Variants in SMURF1 observed in about 807,000 individuals in gnomAD.
The protein encoded by SMURF1 is E3 ubiquitin-protein ligase SMURF1.
SMURF1 carries 44 observed loss-of-function variants against 98.0 expected under a neutral mutation model. The observed-to-expected ratio is 0.45, with a 90% CI of 0.35 to 0.58. The LOEUF is 0.58. Among genes scored for constraint, SMURF1 ranks in the 20% least tolerant of loss-of-function variants. The pLI, the probability that SMURF1 is intolerant of heterozygous loss-of-function variation, is 0.00. For synonymous variants in SMURF1, 396 were observed against 374.9 expected, an observed-to-expected ratio of 1.06 and a Z score of -0.65; for missense variants, 687 against 938.4, an observed-to-expected ratio of 0.73 and a Z score of 3.50.
At chr7:99,129,729 T>C (rs1797829785) in intron 1 of SMURF1, among the ~76,000 whole-genome samples, 1 of 152,198 alleles carries the variant, frequency 6.6e-6, no homozygotes, top group Non-Finnish European at 1.5e-5. Context: ...TAAGAAATGA[T>C]GTCATTTGTG....
chr7:99,050,902 G>A (rs546550539), intron 8 of SMURF1: 6 of 1,308,892 alleles, frequency 4.6e-6, no homozygotes, highest in Non-Finnish European at 5.3e-6. Context: ...GGTGGGGGGG[G>A]GGTCTCTCTA....
At position 99,054,651 on chromosome 7, in the gene SMURF1, T is replaced by C. The variant is rs541370724; in HGVS notation, c.479+139A>G. 2.4e-5 allele frequency: 17 copies of C among 716,544 alleles called. No homozygotes were observed. In the South Asian group the frequency reaches 2.4e-4, roughly 10 times the overall value. 44.4% of individuals were successfully genotyped at this position (716,544 alleles called of 1,614,324 possible). The stretch of plus-strand genomic sequence containing the variant: ...CTTCCTTTATAGCCAAGTAAACTGG[T>C]TCACAGTTTTATCCCAACATCCTTT... On this transcript the variant is annotated intron_variant, in intron 6 of 17. Coordinates refer to ENST00000361368, the MANE Select transcript of SMURF1 (RefSeq NM_181349.3).
rs761627097 is a variant in SMURF1 at position 99,030,630 on chromosome 7, T to C, written c.2150A>G (p.Lys717Arg). The C allele has an allele frequency of 1.9e-6, 3 of 1,614,168 alleles. No homozygotes were observed. Among genetic ancestry groups the C allele is most frequent in the Non-Finnish European group, 2.5e-6 (3 of 1,180,028 alleles). The change falls in exon 18 of 18, where the codon AAG (lysine) becomes AGG (arginine). Residue 717 changes from lysine (K) to arginine (R), a missense_variant. Physicochemically the swap from Lys to Arg is conservative, Grantham distance 26. Coordinates refer to ENST00000361368, the MANE Select transcript of SMURF1 (RefSeq NM_181349.3). ...PYESYEKLYE[K>R]LLTAVEETCG... ...GGTCTCCTCCACGGCTGTCAGCAGC[T>C]TCTCGTAGAGCTTCTCATAGGACTC... is the stretch of plus-strand genomic sequence containing the variant.
In SMURF1 at chr7:99,040,511, C is replaced by T; in HGVS notation, c.1417G>A (p.Ala473Thr). The T allele has an allele frequency of 1.3e-6, 2 of 1,550,264 alleles. No individual in the cohort carries two copies. Among genetic ancestry groups the T allele is most frequent in the Non-Finnish European group, 1.7e-6 (2 of 1,148,502 alleles). Residue 473 changes from alanine to threonine, a missense_variant, in exon 13 of 18, where the codon GCT becomes ACT. Transcript: ENST00000361368. ...FHFVGRIMGL[A>T]VFHGHYINGG... ...TTGATGTAGTGTCCATGGAACACAG[C>T]CAGCCCCATGATCCGCCCCACAAAG...
chr7:99,051,460 A>T lies in SMURF1; in HGVS notation c.722-19T>A, dbSNP rs536414551. 9 of 1,597,844 alleles carry T rather than the reference A, an allele frequency of 5.6e-6. No homozygotes were observed. The South Asian group carries it at 6.6e-5, about 12-fold the overall frequency. ...CTTTGTTCTACACAAGAAATTAGAG[A>T]TCCAAATGAGACAAGTTCAATTCCA... On this transcript the variant is annotated intron_variant, in intron 7 of 17. Transcript: ENST00000361368.
intron 1 of SMURF1, among the ~76,000 whole-genome samples, chr7:99,073,377 C>CAAA (rs766203496): frequency 1.1e-5 from 1 of 88,800 alleles, no homozygotes; most frequent in Non-Finnish European, 2.2e-5. Context: ...GACTCCATCT[C>CAAA]AAAAAAAAAA....
At chr7:99,111,300 T>C (rs1295421085) in intron 1 of SMURF1, among the ~76,000 whole-genome samples, 1 of 152,228 alleles carries the variant, frequency 6.6e-6, no homozygotes, top group African/African-American at 2.4e-5. Context: ...AGATGGCATG[T>C]ATCCATCAAT....
At position 99,047,842 on chromosome 7, in the gene SMURF1, G is replaced by A. The variant is rs368926780; in HGVS notation, c.994C>T (p.Leu332=). ...TCCTCCAGAGAGCCCTCACTGGGCA[G>A]TGGCAGCGGCTGGCTGGGCTCCTTG... The part of the protein sequence containing the change: ...QLKEPSQPLP[L]PSEGSLEDEE... The change falls in exon 10 of 18, where the codon CTG becomes TTG. Residue 332 remains leucine, a synonymous_variant. Transcript: ENST00000361368. The A allele has an allele frequency of 1.5e-5, 25 of 1,614,086 alleles. No individual in the cohort carries two copies. In the African/African-American group the frequency reaches 3.1e-4, roughly 20 times the overall value.
At chr7:99,056,333 C>A (rs1795875224) in intron 5 of SMURF1, among the ~76,000 whole-genome samples, 1 of 152,030 alleles carries the variant, frequency 6.6e-6, no homozygotes, top group African/African-American at 2.4e-5. Context: ...ATCTGAGTTA[C>A]CCTAAAACAC....
intron 1 of SMURF1, among the ~76,000 whole-genome samples, chr7:99,074,283 G>A (rs1360025389): frequency 6.6e-6 from 1 of 152,152 alleles, no homozygotes; most frequent in Non-Finnish European, 1.5e-5. Flanking sequence ...ATATACATGT[G>A]TTCAGTTTGT....
At chr7:99,050,446 G>A (rs219827) in intron 8 of SMURF1, 91,411 of 154,850 alleles carry the variant, frequency 0.59, 29,852 homozygotes, top group African/African-American at 0.89. Flanking sequence ...AGGAACATGC[G>A]TTCAGAAACT....
intron 1 of SMURF1, among the ~76,000 whole-genome samples, chr7:99,071,637 G>A (rs1796325190): frequency 6.6e-6 from 1 of 152,164 alleles, no homozygotes; most frequent in African/African-American, 2.4e-5. Flanking sequence ...TCTTTCGTTT[G>A]GTTTTTTCTT....
intron 3 of SMURF1, among the ~76,000 whole-genome samples, chr7:99,058,082 C>T (rs917719186): frequency 6.6e-6 from 1 of 152,064 alleles, no homozygotes; most frequent in East Asian, 1.9e-4. Context: ...GATAACCACA[C>T]GATGATAATA....
At chr7:99,088,714 G>A (rs187594415) in intron 1 of SMURF1, among the ~76,000 whole-genome samples, 1 of 152,298 alleles carries the variant, frequency 6.6e-6, no homozygotes, top group East Asian at 1.9e-4. Context: ...TTGTAGAGGT[G>A]AGACAGGCTG....
rs1025870065 is a variant in SMURF1, at chr7:99,028,275, G to A, written c.*2309C>T. 3 of 152,440 alleles carry A rather than the reference G, an allele frequency of 2.0e-5. No homozygotes were observed. The highest frequency in any genetic ancestry group is 2.9e-5 in the Non-Finnish European group (2 of 68,076). 9.4% of individuals were successfully genotyped at this position (152,440 alleles called of 1,614,324 possible). A position where few individuals can be genotyped will look rare whatever the true frequency, so the allele number is the denominator to read the frequency against. On this transcript the variant is annotated 3_prime_UTR_variant, in exon 18 of 18. Transcript: ENST00000361368. ...GTTCAAAAGGACCAAACAAACCATC[G>A]TAGAAACTGAAGGTTCTAGGAGTGC... is the stretch of plus-strand genomic sequence containing the variant.
At chr7:99,115,589 G>T (rs1797420996) in intron 1 of SMURF1, among the ~76,000 whole-genome samples, 3 of 151,966 alleles carry the variant, frequency 2.0e-5, no homozygotes, top group South Asian at 2.1e-4. Context: ...AAGAAAGAGA[G>T]AGAAAGAGAA....
chr7:99,041,266 G>A (rs185249470), intron 12 of SMURF1, among the ~76,000 whole-genome samples: 27 of 152,242 alleles, frequency 1.8e-4, no homozygotes, highest in Admixed American at 9.2e-4. Context: ...GCTGGGCCTG[G>A]TGGCAGGGGT....
chr7:99,042,866 A>G (rs1483609752), intron 11 of SMURF1, among the ~76,000 whole-genome samples: 2 of 152,360 alleles, frequency 1.3e-5, no homozygotes, highest in South Asian at 2.1e-4. Flanking sequence ...ATGAGAGCGA[A>G]TAGGGAAGGA....
Position 99,047,605 on chromosome 7 carries a change from A to G in SMURF1, c.1152+79T>C. 2.1e-6 allele frequency: 3 copies of G among 1,460,520 alleles called. No individual in the cohort carries two copies. The African/African-American group carries it at 4.2e-5, about 20-fold the overall frequency. The allele number at this position is 1,460,520 out of a possible 1,614,324, so 90.5% of individuals were successfully genotyped here. A position where few individuals can be genotyped will look rare whatever the true frequency, so the allele number is the denominator to read the frequency against. On this transcript the variant is annotated intron_variant, in intron 10 of 17. Transcript: ENST00000361368. ...TCATTTAAAGCAGCCCTTGAAAACA[A>G]TCGCATTTGAGATTCCTTTGTCTGA...
Sources: gnomAD v4.1 joint callset for allele counts (sites outside exome capture counted in the v4.1 genomes callset) on GRCh38, gnomAD v4.1.1 for gene constraint, MANE v1.5 for transcripts, NCBI Gene and HGNC (gene_info 2026-07-23, HGNC 2026-07-21) for gene names.